The following RHOA variants were observed in gnomAD, a reference collection of about 807,000 sequenced individuals.
The protein encoded by RHOA is ras homolog family member A, also known as transforming protein RhoA.
In RHOA, 3 loss-of-function variants were observed where a neutral mutation model predicts 17.5. That is an observed-to-expected ratio of 0.17 (90% confidence interval 0.08 to 0.44). RHOA has a LOEUF of 0.44. RHOA is among the 20% of genes least tolerant of loss of function. The pLI, the probability that RHOA is intolerant of heterozygous loss-of-function variation, is 0.99. For missense variants in RHOA, 56 were observed against 242.3 expected, an observed-to-expected ratio of 0.23 and a Z score of 5.10; for synonymous variants, 98 against 88.4, an observed-to-expected ratio of 1.11 and a Z score of -0.61.
rs2048209633 is a variant in RHOA, at chr3:49,375,352, G to A, written c.156+82C>T. Reference sequence around the variant, plus strand: ...TTTTGTTATATGGTATACTGAAGAGGCAAAAAGCTCTAATTCTCTACATGC... The same window carrying A: ...TTTTGTTATATGGTATACTGAAGAGACAAAAAGCTCTAATTCTCTACATGC... On this transcript the variant is annotated intron_variant, in intron 2 of 4. Transcript: ENST00000418115. 6 of 1,358,696 alleles carry A rather than the reference G, an allele frequency of 4.4e-6. No homozygotes were observed. In the East Asian group the frequency reaches 1.4e-4, roughly 33 times the overall value. The allele number at this position is 1,358,696 out of a possible 1,614,324, so 84.2% of individuals were successfully genotyped here. A position where few individuals can be genotyped will look rare whatever the true frequency, so the allele number is the denominator to read the frequency against.
intron 1 of RHOA, among the ~76,000 whole-genome samples, chr3:49,380,793 G>T (rs147389206): frequency 7.4e-4 from 111 of 150,604 alleles, no homozygotes; most frequent in African/African-American, 2.6e-3. Context: ...AATCCACAGG[G>T]GTACCAGAAG....
At chr3:49,403,565 ACAAAATAAAAATGTAGC>A (rs2048763121) in intron 1 of RHOA, among the ~76,000 whole-genome samples, 1 of 151,768 alleles carries the variant, frequency 6.6e-6, no homozygotes, top group South Asian at 2.1e-4. Flanking sequence ...AAAAAAAATT[ACAAAATAAAAATGTAGC>A]CAGGCGTGGT....
intron 1 of RHOA, among the ~76,000 whole-genome samples, chr3:49,399,113 T>C (rs2048674568): frequency 7.3e-6 from 1 of 136,468 alleles, no homozygotes; most frequent in Non-Finnish European, 1.5e-5. Flanking sequence ...CTCATGCCTG[T>C]AATCCCAGCA....
chr3:49,396,437 C>T (rs771897700), intron 1 of RHOA, among the ~76,000 whole-genome samples: 9 of 151,746 alleles, frequency 5.9e-5, no homozygotes, highest in Non-Finnish European at 1.0e-4. Context: ...TAGTTGGGCG[C>T]GGTGGCTCGC....
At chr3:49,387,714 G>A (rs1349138231) in intron 1 of RHOA, among the ~76,000 whole-genome samples, 3 of 149,054 alleles carry the variant, frequency 2.0e-5, no homozygotes, top group Non-Finnish European at 3.0e-5. Flanking sequence ...ACCCCAGCCC[G>A]GGGGACAGAG....
intron 1 of RHOA, among the ~76,000 whole-genome samples, chr3:49,400,854 G>A (rs1449173378): frequency 6.6e-6 from 1 of 151,398 alleles, no homozygotes; most frequent in Non-Finnish European, 1.5e-5. Context: ...GACCATCCTG[G>A]CTAACACGGT....
At chr3:49,382,585 G>A (rs2048335300) in intron 1 of RHOA, among the ~76,000 whole-genome samples, 2 of 151,610 alleles carry the variant, frequency 1.3e-5, no homozygotes, top group South Asian at 2.1e-4. Context: ...GCAGTGAGCT[G>A]AAATCATGCC....
At chr3:49,394,602 C>T (rs1417029405) in intron 1 of RHOA, among the ~76,000 whole-genome samples, 4 of 152,046 alleles carry the variant, frequency 2.6e-5, no homozygotes, top group South Asian at 4.1e-4. Flanking sequence ...CTACCTGCCT[C>T]GGCCTCCCAA....
chr3:49,406,265 G>C (rs1213894081), intron 1 of RHOA, among the ~76,000 whole-genome samples: 1 of 152,028 alleles, frequency 6.6e-6, no homozygotes, highest in African/African-American at 2.4e-5. Flanking sequence ...CCCAGTAGTA[G>C]AGCATATGAT....
intron 1 of RHOA, among the ~76,000 whole-genome samples, chr3:49,377,611 G>GA (rs71077801): frequency 0.75 from 108,256 of 143,580 alleles, 40,695 homozygotes; most frequent in East Asian, 0.98. Context: ...AGAAGGAAAA[G>GA]AAAAAAAAAA....
At chr3:49,372,479 GC>G (rs1370954896) in intron 2 of RHOA, among the ~76,000 whole-genome samples, 1 of 152,102 alleles carries the variant, frequency 6.6e-6, no homozygotes, top group African/African-American at 2.4e-5. Context: ...AGTGGCTCAC[GC>G]CTGTAATCCC....
chr3:49,388,446 C>A (rs964458830), intron 1 of RHOA, among the ~76,000 whole-genome samples: 2 of 152,166 alleles, frequency 1.3e-5, no homozygotes, highest in African/African-American at 4.8e-5. Context: ...CCTGGGATAA[C>A]TATAGCTCAT....
At chr3:49,411,700 G>A in intron 1 of RHOA, 120 bp downstream of exon 1, 1 of 152,140 alleles carries the variant, frequency 6.6e-6, no homozygotes, top group Non-Finnish European at 1.5e-5. Context: ...GCCAGGGGCG[G>A]CTCGGCCACG....
chr3:49,384,558 G>A (rs917087473), intron 1 of RHOA, among the ~76,000 whole-genome samples: 3 of 151,784 alleles, frequency 2.0e-5, no homozygotes, highest in African/African-American at 7.3e-5. Flanking sequence ...CCAGGCTGGA[G>A]TGAGGTGGTG....
At chr3:49,385,705 A>G (rs1003082639) in intron 1 of RHOA, among the ~76,000 whole-genome samples, 4 of 141,574 alleles carry the variant, frequency 2.8e-5, no homozygotes, top group African/African-American at 7.9e-5. Context: ...GCTTCTTTCT[A>G]TAGTTTTAAG....
intron 1 of RHOA, among the ~76,000 whole-genome samples, chr3:49,403,465 AG>A (rs1353968908): frequency 3.3e-5 from 5 of 152,170 alleles, no homozygotes; most frequent in African/African-American, 9.7e-5. Context: ...CTATAATCCC[AG>A]GGCTTTGTGA....
intron 1 of RHOA, among the ~76,000 whole-genome samples, chr3:49,383,213 C>T (rs2048345203): frequency 6.6e-6 from 1 of 151,994 alleles, no homozygotes; most frequent in Non-Finnish European, 1.5e-5. Context: ...GCGGGCAGAT[C>T]ACGAGGTCAG....
intron 1 of RHOA, among the ~76,000 whole-genome samples, chr3:49,389,628 G>A (rs1420956144): frequency 6.6e-6 from 1 of 152,062 alleles, no homozygotes; most frequent in Non-Finnish European, 1.5e-5. Flanking sequence ...AATTCCAATA[G>A]CTAACAACTT....
At chr3:49,382,426 A>C (rs1245337774) in intron 1 of RHOA, among the ~76,000 whole-genome samples, 3 of 151,952 alleles carry the variant, frequency 2.0e-5, no homozygotes, top group Non-Finnish European at 2.9e-5. Context: ...CTTGAGCCTA[A>C]GAGTTGGAGA....
Sources: gnomAD v4.1 joint callset for allele counts (sites outside exome capture counted in the v4.1 genomes callset) on GRCh38, gnomAD v4.1.1 for gene constraint, MANE v1.5 for transcripts, NCBI Gene and HGNC (gene_info 2026-07-23, HGNC 2026-07-21) for gene names.